Variants in CNTNAP2 observed in about 807,000 individuals in gnomAD.
The protein encoded by CNTNAP2 is contactin associated protein 2.
CNTNAP2 carries 98 observed loss-of-function variants against 155.2 expected under a neutral mutation model. The observed-to-expected ratio is 0.63, with a 90% confidence interval of 0.54 to 0.75. The LOEUF is 0.75. CNTNAP2 is among the 30% of genes least tolerant of loss of function. The pLI is 0.00. For synonymous variants in CNTNAP2, 651 were observed against 631.2 expected, an observed-to-expected ratio of 1.03 and a Z score of -0.47; for missense variants, 1,727 against 1,688.1, an observed-to-expected ratio of 1.02 and a Z score of -0.40.
intron 1 of CNTNAP2, among the ~76,000 whole-genome samples, chr7:146,592,338 G>T (rs890515340): frequency 6.6e-6 from 1 of 152,228 alleles, no homozygotes; most frequent in African/African-American, 2.4e-5. Flanking sequence ...TGGTGGAAGT[G>T]TCCCCTTTAG....
chr7:146,478,138 T>C (rs1796906577), intron 1 of CNTNAP2, among the ~76,000 whole-genome samples: 1 of 152,146 alleles, frequency 6.6e-6, no homozygotes, highest in Non-Finnish European at 1.5e-5. Context: ...TTGCGGCTTT[T>C]CTTTCCTCAT....
intron 14 of CNTNAP2, among the ~76,000 whole-genome samples, chr7:147,912,496 A>G (rs58534283): frequency 0.04 from 6,117 of 152,100 alleles, 383 homozygotes; most frequent in African/African-American, 0.14. Flanking sequence ...AGGGCCCCCT[A>G]CTCAACCTCA....
At chr7:147,366,535 T>C (rs1006685382) in intron 9 of CNTNAP2, among the ~76,000 whole-genome samples, 1 of 152,040 alleles carries the variant, frequency 6.6e-6, no homozygotes, top group Non-Finnish European at 1.5e-5. Flanking sequence ...CTCTCTGCCT[T>C]CTTTGTATTG....
At chr7:146,231,556 C>T (rs1449437698) in intron 1 of CNTNAP2, among the ~76,000 whole-genome samples, 1 of 152,158 alleles carries the variant, frequency 6.6e-6, no homozygotes, top group East Asian at 1.9e-4. Context: ...TAAATTAAAG[C>T]GTAATCAGCA....
At chr7:147,880,948 T>G (rs1799510323) in intron 13 of CNTNAP2, among the ~76,000 whole-genome samples, 1 of 147,736 alleles carries the variant, frequency 6.8e-6, no homozygotes, top group African/African-American at 2.5e-5. Context: ...CTAAGAGAAA[T>G]AAAGAATAAA....
In CNTNAP2 at chr7:146,638,633, C is replaced by T. The variant is rs376613396; in HGVS notation, c.98-135638C>T. Among the ~76,000 whole-genome samples, 481 of 151,356 alleles carry T rather than the reference C, an allele frequency of 3.2e-3. 4 individuals are homozygous for T. Among genetic ancestry groups the T allele is most frequent in the African/African-American group, 0.011 (461 of 41,310 alleles). On this transcript the variant is annotated intron_variant, in intron 1 of 23. Transcript: ENST00000361727. Reference sequence around the variant, plus strand: ...CCGAGTAGCTGGGACTACAGGCACCCGCCACCACACCTGGCTAATTTTTTT... The same window carrying T: ...CCGAGTAGCTGGGACTACAGGCACCTGCCACCACACCTGGCTAATTTTTTT...
At chr7:147,755,021 C>A in intron 13 of CNTNAP2, among the ~76,000 whole-genome samples, 1 of 152,196 alleles carries the variant, frequency 6.6e-6, no homozygotes, top group African/African-American at 2.4e-5. Flanking sequence ...TTTTTATGTT[C>A]CCTGAGATCT....
chr7:146,636,373 A>G (rs1337469050), intron 1 of CNTNAP2, among the ~76,000 whole-genome samples: 2 of 151,224 alleles, frequency 1.3e-5, no homozygotes, highest in Non-Finnish European at 2.9e-5. Flanking sequence ...GAAGATTCAG[A>G]TAAACATACA....
intron 1 of CNTNAP2, among the ~76,000 whole-genome samples, chr7:146,340,343 AAGTTTTCCAT>A (rs1801360677): frequency 1.3e-5 from 2 of 149,362 alleles, no homozygotes; most frequent in South Asian, 4.2e-4. Context: ...ATACTTTTCA[AAGTTTTCCAT>A]ATTTGTTTGC....
chr7:147,602,410 C>A (rs1298930936), intron 12 of CNTNAP2, among the ~76,000 whole-genome samples: 1 of 149,958 alleles, frequency 6.7e-6, no homozygotes. Context: ...CCCAATATAT[C>A]CAAAATATTA....
At chr7:146,791,697 A>G (rs1802676631) in intron 2 of CNTNAP2, among the ~76,000 whole-genome samples, 1 of 152,202 alleles carries the variant, frequency 6.6e-6, no homozygotes, top group South Asian at 2.1e-4. Flanking sequence ...GGAAATTATC[A>G]GTTCTCCTCA....
At chr7:147,314,239 G>T (rs1795183984) in intron 9 of CNTNAP2, among the ~76,000 whole-genome samples, 1 of 152,122 alleles carries the variant, frequency 6.6e-6, no homozygotes, top group Non-Finnish European at 1.5e-5. Context: ...GTGTTTTTAG[G>T]TATAATGTGT....
chr7:146,960,105 A>G (rs1797525605), intron 3 of CNTNAP2, among the ~76,000 whole-genome samples: 1 of 152,034 alleles, frequency 6.6e-6, no homozygotes, highest in African/African-American at 2.4e-5. Context: ...CTCCTACCAC[A>G]TCTTGCCCTA....
chr7:146,260,016 C>T (rs1489943507), intron 1 of CNTNAP2, among the ~76,000 whole-genome samples: 3 of 152,180 alleles, frequency 2.0e-5, no homozygotes, highest in Admixed American at 6.5e-5. Context: ...AACCTCGGGA[C>T]TTGGTGCCCT....
intron 13 of CNTNAP2, among the ~76,000 whole-genome samples, chr7:147,682,664 C>T (rs1795964650): frequency 6.6e-6 from 1 of 151,772 alleles, no homozygotes; most frequent in Non-Finnish European, 1.5e-5. Flanking sequence ...ACACACATCA[C>T]ACCCAAGCAC....
intron 1 of CNTNAP2, among the ~76,000 whole-genome samples, chr7:146,423,274 A>G (rs767165200): frequency 1.4e-4 from 21 of 152,170 alleles, no homozygotes; most frequent in Non-Finnish European, 2.9e-4. Context: ...TTATAATTAC[A>G]GTAGCGATCA....
chr7:146,749,360 T>C (rs1376897280), intron 1 of CNTNAP2, among the ~76,000 whole-genome samples: 1 of 152,170 alleles, frequency 6.6e-6, no homozygotes, highest in East Asian at 1.9e-4. Flanking sequence ...TTGCCAAAGA[T>C]TACATAACTG....
intron 13 of CNTNAP2, among the ~76,000 whole-genome samples, chr7:147,718,200 G>A (rs1157625413): frequency 6.6e-6 from 1 of 152,028 alleles, no homozygotes; most frequent in Non-Finnish European, 1.5e-5. Flanking sequence ...ATTAGCCATG[G>A]AATGCTGCCT....
chr7:146,848,947 A>G (rs759679190), intron 3 of CNTNAP2, among the ~76,000 whole-genome samples: 3 of 151,932 alleles, frequency 2.0e-5, no homozygotes, highest in Non-Finnish European at 4.4e-5. Context: ...TAATGATTGT[A>G]TTTTTAGTAG....
Sources: allele counts gnomAD v4.1 joint callset (sites outside exome capture counted in the v4.1 genomes callset), GRCh38; gene constraint gnomAD v4.1.1; transcripts MANE v1.5; gene names NCBI Gene and HGNC (gene_info 2026-07-23, HGNC 2026-07-21).